The following FAM169A variants were observed in gnomAD, a reference collection of about 807,000 sequenced individuals.
The protein encoded by FAM169A is family with sequence similarity 169 member A.
FAM169A carries 24 observed loss-of-function variants against 75.7 expected under a neutral mutation model. The observed-to-expected ratio is 0.32, with a 90% CI of 0.23 to 0.45. The LOEUF (loss-of-function observed/expected upper bound fraction) is 0.45. Among genes scored for constraint, FAM169A ranks in the 20% least tolerant of loss-of-function variants. The probability of loss-of-function intolerance (pLI) is 1.00; values close to 1 mark genes in which losing one functional copy is unlikely to be tolerated. For missense variants in FAM169A, 673 were observed against 784.0 expected (o/e 0.86, Z 1.69); for synonymous variants, 271 against 271.0 (o/e 1.00, Z 0.00).
intron 1 of FAM169A, among the ~76,000 whole-genome samples, chr5:74,844,718 G>A (rs2112688064): frequency 6.6e-6 from 1 of 152,262 alleles, no homozygotes; most frequent in East Asian, 1.9e-4. Flanking sequence ...TCGGGAGGCT[G>A]AGGCAGGAGA....
rs558002210 is a variant in FAM169A at position 74,813,770 on chromosome 5, C to T, written c.670+70G>A. ...GTGATACTGATATATACACATTTAC[C>T]GTATTTTGAAGAAACAAGTCGGAAG... On this transcript the variant is annotated intron_variant, in intron 6 of 12. Transcript: ENST00000687041. The T allele has an allele frequency of 5.1e-4, 618 of 1,203,464 alleles. 1 individual carries two copies. In the Middle Eastern group the frequency reaches 5.5e-3, roughly 11 times the overall value. The allele number at this position is 1,203,464 out of a possible 1,614,324, so 74.5% of individuals were successfully genotyped here. A position where few individuals can be genotyped will look rare whatever the true frequency, so the allele number is the denominator to read the frequency against.
chr5:74,779,429 A>G lies in FAM169A; in HGVS notation c.*2031T>C, dbSNP rs569177699. 6.6e-5 allele frequency: 10 copies of G among 152,308 alleles called. No individual in the cohort carries two copies. Among genetic ancestry groups the G allele is most frequent in the African/African-American group, 2.4e-4 (10 of 41,584 alleles). 9.4% of individuals were successfully genotyped at this position (152,308 alleles called of 1,614,324 possible). A position where few individuals can be genotyped will look rare whatever the true frequency, so the allele number is the denominator to read the frequency against. ...TCCATGTTTAAAATAATTTGAAAAG[A>G]AAGTATTTTAAACAAATCCAAGTAA... On this transcript the variant is annotated 3_prime_UTR_variant, in exon 13 of 13. Coordinates refer to ENST00000687041, the MANE Select transcript of FAM169A (RefSeq NM_001376049.1).
intron 1 of FAM169A, among the ~76,000 whole-genome samples, chr5:74,859,750 G>A (rs916956624): frequency 3.9e-5 from 6 of 152,096 alleles, no homozygotes; most frequent in African/African-American, 1.4e-4. Flanking sequence ...GAGCATGGTA[G>A]CTCATGCCTA....
In FAM169A at chr5:74,781,827, G is replaced by A. The variant is rs370543126; in HGVS notation, c.1646C>T (p.Ala549Val). Reference protein sequence around the residue: ...SDGGFPNSVIAEFSEEPVSEN... With the variant: ...SDGGFPNSVIVEFSEEPVSEN... ...AGAGACCGGTTCTTCGGAAAATTCA[G>A]CTATCACAGAGTTTGGAAAACCACC... Residue 549 changes from alanine to valine, a missense_variant, in exon 13 of 13, where the codon GCT becomes GTT. Ala to Val is a moderately conservative substitution (Grantham distance 64, BLOSUM62 0). Coordinates refer to ENST00000687041, the MANE Select transcript of FAM169A (RefSeq NM_001376049.1). The A allele has an allele frequency of 3.1e-6, 5 of 1,613,928 alleles. No individual in the cohort carries two copies. The highest frequency in any genetic ancestry group is 4.2e-6 in the Non-Finnish European group (5 of 1,180,006).
chr5:74,853,701 AT>A (rs34017579), intron 1 of FAM169A, among the ~76,000 whole-genome samples: 11,802 of 110,318 alleles, frequency 0.11, 286 homozygotes, highest in African/African-American at 0.2. Flanking sequence ...CATCTTCAGA[AT>A]TTTTTTTTTT....
intron 10 of FAM169A, chr5:74,799,970 C>G: frequency 1.2e-6 from 1 of 808,624 alleles, no homozygotes; most frequent in South Asian, 1.3e-5. Flanking sequence ...GCCAGAATAG[C>G]ATCACTCAAG....
At chr5:74,828,424 T>G (rs963036020) in intron 5 of FAM169A, among the ~76,000 whole-genome samples, 4 of 152,142 alleles carry the variant, frequency 2.6e-5, no homozygotes, top group Non-Finnish European at 5.9e-5. Context: ...ATGAAAGATA[T>G]ACCTTCATTT....
At chr5:74,866,446 C>T (rs1435858486), upstream of FAM169A, 2 of 900,068 alleles carry the variant, frequency 2.2e-6, no homozygotes, top group African/African-American at 1.8e-5. Flanking sequence ...CCGCGAATCC[C>T]CCCGCCCGCC....
chr5:74,781,984 T>G lies in FAM169A; in HGVS notation c.1489A>C (p.Met497Leu). The G allele has an allele frequency of 6.2e-7, 1 of 1,612,642 alleles. No homozygotes were observed. Among genetic ancestry groups the G allele is most frequent in the Non-Finnish European group, 8.5e-7 (1 of 1,178,784 alleles). ...TCAGATGTGCCTTCATCCATCAACATTTCTGAGTCAGGTATACGTGGGGTC... is the reference window on the plus strand; with the variant it reads ...TCAGATGTGCCTTCATCCATCAACAGTTCTGAGTCAGGTATACGTGGGGTC... ...DKTPRIPDSE[M>L]LMDEGTSDEK... is the part of the protein sequence containing the mutation. Residue 497 changes from methionine (M) to leucine (L), a missense_variant, in exon 13 of 13, where the codon ATG becomes CTG. Around this residue, in one of 3 missense-constraint regions of FAM169A, gnomAD observed 510 missense variants for 550.9 expected, o/e 0.93. Transcript: ENST00000687041.
intron 11 of FAM169A, 118 bp from the exon 12 acceptor site, chr5:74,783,252 T>A: frequency 1.5e-6 from 1 of 668,126 alleles, no homozygotes; most frequent in East Asian, 2.5e-5. Context: ...CAAATTTACA[T>A]TATAGGACAT....
At chr5:74,810,520 C>T (rs535303609) in intron 6 of FAM169A, among the ~76,000 whole-genome samples, 5 of 151,958 alleles carry the variant, frequency 3.3e-5, no homozygotes, top group African/African-American at 4.8e-5. Flanking sequence ...GAGTCCGAGG[C>T]GGGTGGATCA....
chr5:74,793,990 G>A (rs1265922273), intron 11 of FAM169A, among the ~76,000 whole-genome samples: 3 of 132,012 alleles, frequency 2.3e-5, no homozygotes, highest in African/African-American at 8.9e-5. Flanking sequence ...GTGACAGAGC[G>A]AGACTCCATC....
rs1348927250 is a variant in FAM169A at position 74,814,028 on chromosome 5, A to G, written c.491-9T>C. 14 of 1,515,738 alleles carry G rather than the reference A, an allele frequency of 9.2e-6. No homozygotes were observed. Among genetic ancestry groups the G allele is most frequent in the African/African-American group, 1.4e-5 (1 of 71,274 alleles). 93.9% of individuals were successfully genotyped at this position (1,515,738 alleles called of 1,614,324 possible). A position where few individuals can be genotyped will look rare whatever the true frequency, so the allele number is the denominator to read the frequency against. ...AGAGGCACATATGCTTCCTGCAGTA[A>G]TAAGAACAGAAACCCAATAATTTCT... On this transcript the variant is annotated splice_polypyrimidine_tract_variant and intron_variant, in intron 5 of 12. Transcript: ENST00000687041.
At chr5:74,838,401 G>A (rs1004174894) in intron 4 of FAM169A, among the ~76,000 whole-genome samples, 3 of 151,910 alleles carry the variant, frequency 2.0e-5, no homozygotes, top group African/African-American at 7.3e-5. Flanking sequence ...TCCATATCCT[G>A]TCCTATTTAT....
At chr5:74,837,175 C>G (rs1177655844) in intron 4 of FAM169A, among the ~76,000 whole-genome samples, 1 of 152,176 alleles carries the variant, frequency 6.6e-6, no homozygotes, top group African/African-American at 2.4e-5. Flanking sequence ...TGCCAAACCT[C>G]AGTCATGTTA....
Position 74,778,814 on chromosome 5 carries a change from A to G in FAM169A, c.*2646T>C, listed in dbSNP as rs1458581397. On this transcript the variant is annotated 3_prime_UTR_variant, in exon 13 of 13. Coordinates refer to ENST00000687041, the MANE Select transcript of FAM169A (RefSeq NM_001376049.1). ...TTCACAAATAAGTTCACAAAGGACT[A>G]TGTGTAATGTGACTGGACATTCAAC... 2.6e-5 allele frequency: 4 copies of G among 152,120 alleles called. No individual in the cohort carries two copies. The South Asian group carries it at 6.2e-4, about 24-fold the overall frequency. The allele number at this position is 152,120 out of a possible 1,614,324, so 9.4% of individuals were successfully genotyped here. A position where few individuals can be genotyped will look rare whatever the true frequency, so the allele number is the denominator to read the frequency against.
chr5:74,823,164 C>T (rs1324654454), intron 5 of FAM169A, among the ~76,000 whole-genome samples: 3 of 152,160 alleles, frequency 2.0e-5, no homozygotes, highest in Non-Finnish European at 4.4e-5. Context: ...CAATAAAATG[C>T]CACACTTCTT....
chr5:74,790,653 C>A (rs1050973810), intron 11 of FAM169A, among the ~76,000 whole-genome samples: 1 of 152,152 alleles, frequency 6.6e-6, no homozygotes, highest in African/African-American at 2.4e-5. Context: ...CCCAGCCGCC[C>A]CTGTCATCAC....
chr5:74,805,261 A>G lies in FAM169A; in HGVS notation c.694T>C (p.Tyr232His), dbSNP rs371824199. The G allele has an allele frequency of 4.3e-6, 7 of 1,613,092 alleles. No homozygotes were observed. Among genetic ancestry groups the G allele is most frequent in the Non-Finnish European group, 5.9e-6 (7 of 1,179,528 alleles). ...YTACKQYFEK[Y>H]PGDHELLWEV... ...CAAAGGAGTTCATGGTCTCCTGGATACTTCTCAAAGTATTGCTTGCAAGCT... is the reference window on the plus strand; with the variant it reads ...CAAAGGAGTTCATGGTCTCCTGGATGCTTCTCAAAGTATTGCTTGCAAGCT... The change falls in exon 7 of 13, where the codon TAT (tyrosine) becomes CAT (histidine). Residue 232 changes from tyrosine (Y) to histidine (H), a missense_variant. Tyr to His is a moderately conservative substitution (Grantham distance 83). Transcript: ENST00000687041.
Sources: allele counts gnomAD v4.1 joint callset (sites outside exome capture counted in the v4.1 genomes callset), GRCh38; gene constraint gnomAD v4.1.1; regional missense constraint gnomAD v4.1.1; transcripts MANE v1.5; gene names NCBI Gene and HGNC (gene_info 2026-07-23, HGNC 2026-07-21).